PIP4K2A: variants seen among roughly 807,000 people sequenced by gnomAD.
The protein encoded by PIP4K2A is phosphatidylinositol-5-phosphate 4-kinase type 2 alpha.
Under a neutral mutation model 42.9 loss-of-function variants are expected in PIP4K2A, and 14 were observed. That is an observed-to-expected ratio of 0.33 (90% CI 0.22 to 0.51). The LOEUF is 0.51. Among genes scored for constraint, PIP4K2A ranks in the 20% least tolerant of loss-of-function variants. The probability of loss-of-function intolerance (pLI) is 0.97; values close to 1 mark genes in which losing one functional copy is unlikely to be tolerated. For synonymous variants in PIP4K2A, 192 were observed against 192.2 expected (o/e 1.00, Z 0.01); for missense variants, 434 against 519.8 (o/e 0.83, Z 1.61).
At chr10:22,608,594 G>A (rs943081919) in intron 2 of PIP4K2A, among the ~76,000 whole-genome samples, 2 of 152,206 alleles carry the variant, frequency 1.3e-5, no homozygotes, top group Non-Finnish European at 1.5e-5. Context: ...GCCTGGCATG[G>A]TGGCTTACAC....
At chr10:22,590,828 C>G (rs1215771894) in intron 4 of PIP4K2A, among the ~76,000 whole-genome samples, 2 of 152,178 alleles carry the variant, frequency 1.3e-5, no homozygotes, top group African/African-American at 2.4e-5. Flanking sequence ...TGTGATCACG[C>G]CACTGCACTT....
chr10:22,671,639 G>A (rs1839452191), intron 1 of PIP4K2A, among the ~76,000 whole-genome samples: 1 of 151,890 alleles, frequency 6.6e-6, no homozygotes, highest in Admixed American at 6.6e-5. Context: ...CCAGATCTAG[G>A]GGGCCCTCTC....
chr10:22,711,421 T>A (rs551711598), intron 1 of PIP4K2A, among the ~76,000 whole-genome samples: 2 of 152,356 alleles, frequency 1.3e-5, no homozygotes, highest in Admixed American at 6.5e-5. Flanking sequence ...TGAATGTTGC[T>A]GCATTTGGAA....
chr10:22,540,806 C>T (rs143029019), intron 8 of PIP4K2A, among the ~76,000 whole-genome samples: 61 of 152,318 alleles, frequency 4.0e-4, no homozygotes, highest in Non-Finnish European at 7.9e-4. Flanking sequence ...CTGCCTGCCG[C>T]GGCCTCCCAA....
chr10:22,556,274 G>A (rs927330309), intron 6 of PIP4K2A, among the ~76,000 whole-genome samples: 12 of 151,924 alleles, frequency 7.9e-5, no homozygotes, highest in South Asian at 6.3e-4. Context: ...CTGTCGTGGC[G>A]GCTCTAGTTC....
At chr10:22,677,184 T>C (rs1839576022) in intron 1 of PIP4K2A, among the ~76,000 whole-genome samples, 1 of 152,164 alleles carries the variant, frequency 6.6e-6, no homozygotes, top group Non-Finnish European at 1.5e-5. Context: ...TGGGCCCAGC[T>C]GGGGTTGAGA....
At chr10:22,695,240 A>G (rs1053234581) in intron 1 of PIP4K2A, among the ~76,000 whole-genome samples, 37 of 152,240 alleles carry the variant, frequency 2.4e-4, no homozygotes, top group Non-Finnish European at 3.4e-4. Flanking sequence ...ATTTACCGTC[A>G]GTGGATCCTT....
chr10:22,544,865 G>A (rs930354835), intron 7 of PIP4K2A, among the ~76,000 whole-genome samples: 8 of 152,162 alleles, frequency 5.3e-5, no homozygotes, highest in Non-Finnish European at 1.2e-4. Flanking sequence ...ACTTCCTCCT[G>A]TGCCTTCAGG....
chr10:22,596,205 CAAAAAAAAAA>C (rs10681238), intron 3 of PIP4K2A, among the ~76,000 whole-genome samples: 1 of 69,708 alleles, frequency 1.4e-5, no homozygotes, highest in African/African-American at 6.3e-5. Flanking sequence ...AACTCCGTCT[CAAAAAAAAAA>C]AAAAAAAAAA....
intron 1 of PIP4K2A, among the ~76,000 whole-genome samples, chr10:22,708,253 C>A (rs1833855738): frequency 6.6e-6 from 1 of 152,198 alleles, no homozygotes; most frequent in South Asian, 2.1e-4. Flanking sequence ...ACAAGCACAG[C>A]CATGACTTTC....
At chr10:22,704,772 G>A (rs1371529637) in intron 1 of PIP4K2A, among the ~76,000 whole-genome samples, 6 of 152,076 alleles carry the variant, frequency 3.9e-5, no homozygotes, top group East Asian at 1.9e-4. Flanking sequence ...GGGCGGCCCC[G>A]GAATGGTGAG....
At chr10:22,559,418 G>A (rs1836632275) in intron 6 of PIP4K2A, among the ~76,000 whole-genome samples, 1 of 152,178 alleles carries the variant, frequency 6.6e-6, no homozygotes, top group African/African-American at 2.4e-5. Context: ...TGAGGCAAAT[G>A]AGAGCTGATG....
chr10:22,655,718 T>G (rs993807663), intron 1 of PIP4K2A, among the ~76,000 whole-genome samples: 2 of 152,220 alleles, frequency 1.3e-5, no homozygotes, highest in Non-Finnish European at 2.9e-5. Context: ...TAAACATGAC[T>G]GGATGGCTAG....
rs143696456 is a variant in PIP4K2A at position 22,671,745 on chromosome 10, TACACACAC to T, written c.144+42430_144+42437del. On this transcript the variant is annotated intron_variant, in intron 1 of 9. Transcript: ENST00000376573. ...TGAATTTTCTGATTTACTTGGAAAA[TACACACAC>T]ACACACACACACACACACACACGTG... Among the ~76,000 whole-genome samples, 818 of 144,664 alleles carry T rather than the reference TACACACAC, an allele frequency of 5.7e-3. 4 individuals are homozygous for T. The highest frequency in any genetic ancestry group is 0.015 in the African/African-American group (578 of 39,662). The allele number at this position is 144,664 out of a possible 152,430, so 94.9% of individuals were successfully genotyped here.
chr10:22,684,322 C>A (rs150895205), intron 1 of PIP4K2A, among the ~76,000 whole-genome samples: 24 of 152,192 alleles, frequency 1.6e-4, no homozygotes, highest in African/African-American at 5.8e-4. Context: ...ATACTAGGTA[C>A]GCTTTGTCTG....
chr10:22,558,053 CTATT>C (rs979550592), intron 6 of PIP4K2A, among the ~76,000 whole-genome samples: 1 of 152,100 alleles, frequency 6.6e-6, no homozygotes, highest in Non-Finnish European at 1.5e-5. Flanking sequence ...ATTTGGCAAC[CTATT>C]TATTATTTTT....
intron 3 of PIP4K2A, among the ~76,000 whole-genome samples, chr10:22,598,932 A>G (rs929368967): frequency 6.6e-6 from 1 of 152,160 alleles, no homozygotes; most frequent in Non-Finnish European, 1.5e-5. Flanking sequence ...CTTTCTATAC[A>G]TTTGATAGTT....
intron 1 of PIP4K2A, among the ~76,000 whole-genome samples, chr10:22,618,982 C>T (rs1588667332): frequency 6.6e-6 from 1 of 152,144 alleles, no homozygotes; most frequent in Admixed American, 6.5e-5. Flanking sequence ...CTTTTTTCTA[C>T]TAAGTGTCTT....
intron 1 of PIP4K2A, among the ~76,000 whole-genome samples, chr10:22,615,298 A>G (rs1409344094): frequency 6.6e-6 from 1 of 152,164 alleles, no homozygotes; most frequent in Admixed American, 6.5e-5. Flanking sequence ...TGTGGTGACA[A>G]GGTCTTGCTA....
Sources: allele counts gnomAD v4.1 joint callset (sites outside exome capture counted in the v4.1 genomes callset), GRCh38; gene constraint gnomAD v4.1.1; transcripts MANE v1.5; gene names NCBI Gene and HGNC (gene_info 2026-07-23, HGNC 2026-07-21).